The following ABCA13 variants were observed in gnomAD, a reference collection of about 807,000 sequenced individuals.
The protein encoded by ABCA13 is ATP binding cassette subfamily A member 13.
Under a neutral mutation model 478.7 loss-of-function variants are expected in ABCA13, and 476 were observed. That is an observed-to-expected ratio of 0.99 (90% confidence interval 0.92 to 1.07). The LOEUF (loss-of-function observed/expected upper bound fraction) is 1.07. Ranked by LOEUF, ABCA13 falls within the 50% of genes least tolerant of loss-of-function variation. ABCA13 has a pLI of 0.00. For synonymous variants in ABCA13, 2,252 were observed against 2,158.9 expected (o/e 1.04, Z -1.20); for missense variants, 6,060 against 5,910.6 (o/e 1.03, Z -0.83).
At chr7:48,362,914 C>A (rs1247007761) in intron 31 of ABCA13, among the ~76,000 whole-genome samples, 1 of 152,114 alleles carries the variant, frequency 6.6e-6, no homozygotes, top group Non-Finnish European at 1.5e-5. Context: ...GTTTGGCATG[C>A]ACCAACTTTT....
intron 43 of ABCA13, 105 bp from the exon 44 acceptor site, chr7:48,466,851 C>A: frequency 9.7e-7 from 1 of 1,031,600 alleles, no homozygotes; most frequent in South Asian, 1.3e-5. Context: ...TTAGATGGAT[C>A]AGCCTGACTA....
chr7:48,282,185 G>C (rs1362910159), intron 19 of ABCA13, among the ~76,000 whole-genome samples: 1 of 152,196 alleles, frequency 6.6e-6, no homozygotes, highest in Non-Finnish European at 1.5e-5. Context: ...GCACATTTCA[G>C]TGCAATCTCC....
intron 22 of ABCA13, among the ~76,000 whole-genome samples, chr7:48,297,940 ATT>A (rs35586036): frequency 0.012 from 1,620 of 131,244 alleles, 27 homozygotes; most frequent in African/African-American, 0.04. Flanking sequence ...ATGCCCGGCT[ATT>A]TTTTTTTTTT....
chr7:48,362,808 G>T (rs1277899856), intron 31 of ABCA13, among the ~76,000 whole-genome samples: 3 of 151,670 alleles, frequency 2.0e-5, no homozygotes, highest in Non-Finnish European at 4.4e-5. Flanking sequence ...AATTTTAGCT[G>T]GTATTGTTAA....
intron 57 of ABCA13, among the ~76,000 whole-genome samples, chr7:48,588,086 C>G (rs1013932162): frequency 6.6e-6 from 1 of 151,962 alleles, no homozygotes; most frequent in Non-Finnish European, 1.5e-5. Context: ...ATGAATACAC[C>G]CTTTTAGTGG....
At chr7:48,419,619 C>T (rs1820474194) in intron 41 of ABCA13, among the ~76,000 whole-genome samples, 2 of 152,256 alleles carry the variant, frequency 1.3e-5, no homozygotes, top group South Asian at 2.1e-4. Flanking sequence ...GCAAGAACTC[C>T]TCATTAGTCA....
rs1049727758 is a variant in ABCA13, at chr7:48,590,412, A to G, written c.14640+3124A>G. ...ACTTAGGGATGCTTAGGTTGTTTCT[A>G]TATCTTGGCTTCTGTAAATAATGTT... On this transcript the variant is annotated intron_variant, in intron 57 of 61. Transcript: ENST00000435803. Among the ~76,000 whole-genome samples, 5 of 152,088 alleles carry G rather than the reference A, an allele frequency of 3.3e-5. No homozygotes were observed. The South Asian group carries it at 6.2e-4, about 19-fold the overall frequency.
At chr7:48,199,507 C>T (rs750910235) in intron 3 of ABCA13, among the ~76,000 whole-genome samples, 30 of 152,264 alleles carry the variant, frequency 2.0e-4, no homozygotes, top group Admixed American at 7.2e-4. Context: ...TCTGTCCTCA[C>T]GATCCAATCA....
intron 8 of ABCA13, 93 bp downstream of exon 8, chr7:48,234,244 G>A (rs1789609802): frequency 1.3e-6 from 2 of 1,570,394 alleles, no homozygotes; most frequent in Middle Eastern, 1.8e-4. Flanking sequence ...GGGTGCCACG[G>A]GAGAGGCAGC....
At chr7:48,572,485 AT>A (rs1259696518) in intron 55 of ABCA13, among the ~76,000 whole-genome samples, 1 of 151,992 alleles carries the variant, frequency 6.6e-6, no homozygotes, top group Non-Finnish European at 1.5e-5. Context: ...ATAAGCAATA[AT>A]TTTAACATTT....
chr7:48,487,787 T>C (rs1829477499), intron 47 of ABCA13, among the ~76,000 whole-genome samples: 1 of 151,968 alleles, frequency 6.6e-6, no homozygotes, highest in Admixed American at 6.6e-5. Flanking sequence ...TGTAGGTGTC[T>C]GTGTGTGAGG....
chr7:48,495,459 A>G (rs1477033111), intron 48 of ABCA13, among the ~76,000 whole-genome samples: 1 of 152,066 alleles, frequency 6.6e-6, no homozygotes, highest in African/African-American at 2.4e-5. Flanking sequence ...TGGTCAGGAT[A>G]TTGTTTATCT....
chr7:48,532,998 C>T (rs1019189346), intron 55 of ABCA13, among the ~76,000 whole-genome samples: 1 of 151,676 alleles, frequency 6.6e-6, no homozygotes, highest in African/African-American at 2.4e-5. Flanking sequence ...GTTTAAATTT[C>T]ATTTCATTCT....
At chr7:48,391,455 A>G (rs186370673) in intron 37 of ABCA13, among the ~76,000 whole-genome samples, 39 of 152,312 alleles carry the variant, frequency 2.6e-4, no homozygotes, top group African/African-American at 9.1e-4. Flanking sequence ...TCTGCTTTTT[A>G]CTTTCAGTAC....
chr7:48,539,613 G>T (rs1833827108), intron 55 of ABCA13, among the ~76,000 whole-genome samples: 1 of 152,136 alleles, frequency 6.6e-6, no homozygotes, highest in African/African-American at 2.4e-5. Flanking sequence ...ACTTCATTCT[G>T]ATAGAATTAG....
At chr7:48,451,844 T>C (rs1389031714) in intron 42 of ABCA13, among the ~76,000 whole-genome samples, 2 of 152,214 alleles carry the variant, frequency 1.3e-5, no homozygotes, top group Non-Finnish European at 2.9e-5. Context: ...TGGACATTTT[T>C]CCCAAGCAAT....
At chr7:48,308,440 A>G (rs1336729201) in intron 23 of ABCA13, among the ~76,000 whole-genome samples, 1 of 152,192 alleles carries the variant, frequency 6.6e-6, no homozygotes, top group Non-Finnish European at 1.5e-5. Context: ...GTCATTTATT[A>G]TCCTTGTCAC....
At chr7:48,406,466 T>C (rs1240897108) in intron 39 of ABCA13, among the ~76,000 whole-genome samples, 1 of 152,218 alleles carries the variant, frequency 6.6e-6, no homozygotes, top group Admixed American at 6.5e-5. Flanking sequence ...AGGTTATCAT[T>C]ATTATTATTA....
In ABCA13 at chr7:48,276,389, CTT is replaced by C. The variant is rs752124787; in HGVS notation, c.6724_6725del (p.Leu2242GlufsTer8). The C allele has an allele frequency of 6.4e-7, 1 of 1,557,266 alleles. No homozygotes were observed. The highest frequency in any genetic ancestry group is 8.7e-7 in the Non-Finnish European group (1 of 1,153,142). On this transcript the variant is annotated frameshift_variant, in exon 17 of 62. Transcript: ENST00000435803. LOFTEE classifies it high-confidence loss of function. Reference protein sequence around the residue: ...LQIMNFINLILNHMQSETSRK... With the variant: ...LQIMNFINLIXNHMQSETSRK... ...AAATAATGAATTTCATTAACCTTAT[CTT>C]GAACCATATGCAGTCAGAAACTAGT...
Sources: allele counts gnomAD v4.1 joint callset (sites outside exome capture counted in the v4.1 genomes callset), GRCh38; gene constraint gnomAD v4.1.1; transcripts MANE v1.5; gene names NCBI Gene and HGNC (gene_info 2026-07-23, HGNC 2026-07-21).